PCYT1B: variants seen among roughly 807,000 people sequenced by gnomAD.
PCYT1B encodes phosphate cytidylyltransferase 1B, choline, also known as choline-phosphate cytidylyltransferase B.
In PCYT1B, 10 loss-of-function variants were observed where a neutral mutation model predicts 26.4. The ratio of observed to expected loss-of-function variants is 0.38; its 90% confidence interval spans 0.23 to 0.64. The LOEUF is 0.64. Among genes scored for constraint, PCYT1B ranks in the 30% least tolerant of loss-of-function variants. The pLI, the probability that PCYT1B is intolerant of heterozygous loss-of-function variation, is 0.56. For synonymous variants in PCYT1B, 131 were observed against 108.4 expected, an observed-to-expected ratio of 1.21 and a Z score of -1.29; for missense variants, 161 against 292.7, an observed-to-expected ratio of 0.55 and a Z score of 3.28.
chrX:24,640,389 T>C (rs1485783790), intron 1 of PCYT1B, among the ~76,000 whole-genome samples: 1 of 112,622 alleles, frequency 8.9e-6, no homozygotes, highest in African/African-American at 3.2e-5. Context: ...AATACTTCTC[T>C]GTCTTCTTTT....
At position 24,653,357 on chromosome X, in the gene PCYT1B, C is replaced by G. The variant is rs746049922; in HGVS notation, c.63+19213G>C. On this transcript the variant is annotated intron_variant, in intron 1 of 7. Transcript: ENST00000379145. ...GCATCTCTCTGCCTGAGGGCTTTAT[C>G]TGGCCATTGGAAAGCCCTGCCCTCC... Among the ~76,000 whole-genome samples the G allele has an allele frequency of 6.8e-3, 759 of 111,320 alleles. 2 individuals carry two copies. The highest frequency in any genetic ancestry group is 0.012 in the Non-Finnish European group (617 of 53,068).
At chrX:24,636,758 C>A (rs762411822) in intron 1 of PCYT1B, among the ~76,000 whole-genome samples, 5 of 112,414 alleles carry the variant, frequency 4.4e-5, no homozygotes, top group Non-Finnish European at 9.4e-5. Flanking sequence ...CAAAGATGAG[C>A]TTTGCCTATT....
chrX:24,603,565 A>C (rs1483535121), intron 3 of PCYT1B, among the ~76,000 whole-genome samples: 1 of 110,741 alleles, frequency 9.0e-6, no homozygotes, highest in East Asian at 2.8e-4. Context: ...ATAAACAAAA[A>C]CAGAAAAATT....
At chrX:24,638,484 C>T (rs924116832) in intron 1 of PCYT1B, among the ~76,000 whole-genome samples, 4 of 112,085 alleles carry the variant, frequency 3.6e-5, no homozygotes, top group Non-Finnish European at 5.6e-5. Flanking sequence ...AGGCCAGCAA[C>T]GGGTAATCAG....
chrX:24,579,186 C>G (rs867304523), intron 6 of PCYT1B, 130 bp downstream of exon 6: 2 of 366,525 alleles, frequency 5.5e-6, no homozygotes, highest in Non-Finnish European at 8.6e-6. Context: ...CATCTCTACA[C>G]AAAAAAAAAA....
chrX:24,609,084 G>A (rs773047870), intron 2 of PCYT1B, among the ~76,000 whole-genome samples: 2 of 111,818 alleles, frequency 1.8e-5, no homozygotes, highest in East Asian at 2.8e-4. Context: ...TCATCTCCAC[G>A]GCTACAAACA....
intron 7 of PCYT1B, among the ~76,000 whole-genome samples, chrX:24,573,208 G>A (rs1365339268): frequency 9.2e-6 from 1 of 108,923 alleles, no homozygotes; most frequent in African/African-American, 3.4e-5. Context: ...CTGTCACCCA[G>A]GCTGGAGTGT....
upstream of PCYT1B, among the ~76,000 whole-genome samples, chrX:24,651,161 T>C (rs1044892358): frequency 9.0e-6 from 1 of 110,594 alleles, no homozygotes; most frequent in Non-Finnish European, 1.9e-5. Context: ...TTTTCTGCCT[T>C]TAACAAATAT....
At chrX:24,616,969 C>A (rs1315366074) in intron 2 of PCYT1B, among the ~76,000 whole-genome samples, 1 of 111,953 alleles carries the variant, frequency 8.9e-6, no homozygotes, top group African/African-American at 3.2e-5. Flanking sequence ...TACCACTTAC[C>A]AATGGTTCTC....
chrX:24,591,031 G>T (rs61761904), intron 3 of PCYT1B, among the ~76,000 whole-genome samples: 1,981 of 110,072 alleles, frequency 0.018, 46 homozygotes, highest in African/African-American at 0.061. Flanking sequence ...CTGACCTTGT[G>T]ATCCACCCAC....
chrX:24,651,557 G>T (rs1301117511), upstream of PCYT1B, among the ~76,000 whole-genome samples: 5 of 90,739 alleles, frequency 5.5e-5, no homozygotes, highest in Admixed American at 5.1e-4. Flanking sequence ...TTGAGACAGG[G>T]TCTCACTCTG....
intron 6 of PCYT1B, among the ~76,000 whole-genome samples, chrX:24,578,129 A>G (rs1361719371): frequency 9.0e-6 from 1 of 111,623 alleles, no homozygotes; most frequent in Non-Finnish European, 1.9e-5. Flanking sequence ...AAAATGTGGC[A>G]CATATACACC....
chrX:24,583,337 G>T (rs185081983), intron 5 of PCYT1B, among the ~76,000 whole-genome samples: 1 of 111,680 alleles, frequency 9.0e-6, no homozygotes, highest in African/African-American at 3.3e-5. Context: ...GGCCAGCCAC[G>T]TAAGTGTACC....
chrX:24,588,291 C>T (rs1050041271), intron 4 of PCYT1B, among the ~76,000 whole-genome samples: 1 of 111,597 alleles, frequency 9.0e-6, no homozygotes, highest in Non-Finnish European at 1.9e-5. Flanking sequence ...TGGCCTTCCT[C>T]ACTGTAGGCC....
intron 2 of PCYT1B, among the ~76,000 whole-genome samples, chrX:24,610,639 A>C (rs925619099): frequency 6.2e-4 from 70 of 112,081 alleles, no homozygotes; most frequent in African/African-American, 2.1e-3. Context: ...AGAAAAGTAA[A>C]GAAAGAAGAC....
intron 1 of PCYT1B, among the ~76,000 whole-genome samples, chrX:24,626,658 A>G (rs1219687269): frequency 2.7e-5 from 3 of 112,276 alleles, no homozygotes; most frequent in Admixed American, 9.5e-5. Context: ...GAGTATTTTG[A>G]AAAATAAAAA....
Position 24,590,021 on chromosome X carries a change from A to G in PCYT1B, c.486+2T>C. 8.3e-7 allele frequency: 1 copy of G among 1,199,587 alleles called. No homozygotes were observed. Among genetic ancestry groups the G allele is most frequent in the Non-Finnish European group, 1.1e-6 (1 of 887,486 alleles). ...TAGAGAATGTGGGAGAATGAGAAGT[A>G]CCTTGTGTTTTTCCAGAAACTCTGG... On this transcript the variant is annotated splice_donor_variant, in intron 4 of 7. Coordinates refer to ENST00000379144, the MANE Select transcript of PCYT1B (RefSeq NM_004845.5). LOFTEE classifies it high-confidence loss of function.
In PCYT1B at chrX:24,647,117, G is replaced by A; in HGVS notation, c.-12C>T. ...GTAACTACTGGCATGGCCAGTGAAT[G>A]CTCCCTCTAGCTCTACACCCTCAGA... is the stretch of plus-strand genomic sequence containing the variant. On this transcript the variant is annotated 5_prime_UTR_variant, in exon 1 of 8. Transcript: ENST00000379144. The A allele has an allele frequency of 8.3e-7, 1 of 1,200,734 alleles. No homozygotes were observed. Among genetic ancestry groups the A allele is most frequent in the Non-Finnish European group, 1.1e-6 (1 of 889,023 alleles).
chrX:24,633,482 T>C (rs1319869814), intron 1 of PCYT1B, among the ~76,000 whole-genome samples: 1 of 110,725 alleles, frequency 9.0e-6, no homozygotes, highest in Non-Finnish European at 1.9e-5. Flanking sequence ...TACACCAGCC[T>C]GGCCAACATG....
Sources: gnomAD v4.1 joint callset for allele counts (sites outside exome capture counted in the v4.1 genomes callset) on GRCh38, gnomAD v4.1.1 for gene constraint, MANE v1.5 for transcripts, NCBI Gene and HGNC (gene_info 2026-07-23, HGNC 2026-07-21) for gene names.